Variants in NDUFAF2 observed in about 807,000 individuals in gnomAD.
The protein encoded by NDUFAF2 is NADH dehydrogenase [ubiquinone] 1 alpha subcomplex assembly factor 2.
Under a neutral mutation model 22.8 loss-of-function variants are expected in NDUFAF2, and 13 were observed. The ratio of observed to expected loss-of-function variants is 0.57; its 90% CI spans 0.37 to 0.91. The LOEUF is 0.91. Among genes scored for constraint, NDUFAF2 ranks in the 40% least tolerant of loss-of-function variants. The probability of loss-of-function intolerance (pLI) is 0.01; values close to 1 mark genes in which losing one functional copy is unlikely to be tolerated. For synonymous variants in NDUFAF2, 53 were observed against 64.2 expected, an observed-to-expected ratio of 0.83 and a Z score of 0.84; for missense variants, 162 against 195.2, an observed-to-expected ratio of 0.83 and a Z score of 1.01.
At chr5:61,046,103 T>C (rs1049701419) in intron 1 of NDUFAF2, among the ~76,000 whole-genome samples, 6 of 152,336 alleles carry the variant, frequency 3.9e-5, no homozygotes, top group Non-Finnish European at 1.5e-5. Context: ...TCTGTTAATA[T>C]GGAGTATCAC....
intron 1 of NDUFAF2, among the ~76,000 whole-genome samples, chr5:61,046,425 A>G (rs1458581813): frequency 6.6e-6 from 1 of 151,958 alleles, no homozygotes; most frequent in African/African-American, 2.4e-5. Context: ...TCAGGTCCTG[A>G]GCTTTTCTTT....
chr5:60,989,619 A>G (rs1751131604), intron 1 of NDUFAF2, among the ~76,000 whole-genome samples: 1 of 152,228 alleles, frequency 6.6e-6, no homozygotes, highest in Non-Finnish European at 1.5e-5. Flanking sequence ...ACTGAAGACC[A>G]TTATTCTTAG....
At chr5:61,093,239 C>A (rs1262416877) in intron 2 of NDUFAF2, among the ~76,000 whole-genome samples, 2 of 152,162 alleles carry the variant, frequency 1.3e-5, no homozygotes, top group Non-Finnish European at 2.9e-5. Context: ...CTCTCCCAGT[C>A]CACTGACTTA....
intron 1 of NDUFAF2, among the ~76,000 whole-genome samples, chr5:60,976,842 G>A (rs1326452633): frequency 6.6e-6 from 1 of 152,124 alleles, no homozygotes; most frequent in African/African-American, 2.4e-5. Context: ...TATTTAGGGA[G>A]GCAGATGGTA....
intron 3 of NDUFAF2, among the ~76,000 whole-genome samples, chr5:61,149,178 C>A (rs538436743): frequency 1.3e-5 from 2 of 152,218 alleles, no homozygotes; most frequent in East Asian, 3.9e-4. Context: ...GCCATGTTGG[C>A]CAGGCTGGTA....
chr5:60,957,752 G>A (rs1750636130), intron 1 of NDUFAF2, among the ~76,000 whole-genome samples: 1 of 152,168 alleles, frequency 6.6e-6, no homozygotes, highest in Admixed American at 6.5e-5. Flanking sequence ...GCCCCTGCTA[G>A]TGGGAATCTG....
intron 1 of NDUFAF2, among the ~76,000 whole-genome samples, chr5:61,036,134 A>G (rs977234050): frequency 6.6e-6 from 1 of 152,240 alleles, no homozygotes; most frequent in Non-Finnish European, 1.5e-5. Flanking sequence ...CAGGCCTGGA[A>G]GAAGCATACA....
intron 1 of NDUFAF2, among the ~76,000 whole-genome samples, chr5:61,068,024 A>C (rs193092262): frequency 5.3e-5 from 8 of 152,258 alleles, no homozygotes; most frequent in Non-Finnish European, 1.0e-4. Context: ...AATGAAATTT[A>C]TTTTAAATAC....
At position 61,073,139 on chromosome 5, in the gene NDUFAF2, G is replaced by A. The variant is rs1378667377; in HGVS notation, c.142G>A (p.Glu48Lys). The change falls in exon 2 of 4, where the codon GAG (glutamate) becomes AAG (lysine). Residue 48 changes from glutamate to lysine, a missense_variant. Around this residue, in one of 2 missense-constraint regions of NDUFAF2, gnomAD observed 94 missense variants for 85.2 expected, o/e 1.10. Transcript: ENST00000296597. ...YKNWRGQTIREKRIVEAANKK... is the reference protein window; with the variant it reads ...YKNWRGQTIRKKRIVEAANKK... The stretch of plus-strand genomic sequence containing the variant: ...TTGTCTTATAGGACAAACTATTCGA[G>A]AGAAAAGAATTGTAGAAGCAGCAAA... The A allele has an allele frequency of 1.2e-6, 2 of 1,610,730 alleles. No homozygotes were observed. The highest frequency in any genetic ancestry group is 1.7e-5 in the Admixed American group (1 of 60,006).
chr5:61,125,439 G>C (rs1397972813), intron 3 of NDUFAF2, among the ~76,000 whole-genome samples: 1 of 151,958 alleles, frequency 6.6e-6, no homozygotes, highest in Non-Finnish European at 1.5e-5. Context: ...GCATGTGTAA[G>C]GGGGAGTGTT....
At chr5:61,053,714 A>G (rs1172693084) in intron 1 of NDUFAF2, among the ~76,000 whole-genome samples, 1 of 152,200 alleles carries the variant, frequency 6.6e-6, no homozygotes, top group African/African-American at 2.4e-5. Flanking sequence ...GTAGGATCAT[A>G]TGGAATGGAG....
intron 1 of NDUFAF2, among the ~76,000 whole-genome samples, chr5:60,978,013 G>A (rs930079601): frequency 3.3e-5 from 5 of 152,148 alleles, no homozygotes; most frequent in African/African-American, 1.2e-4. Context: ...ACTGAAGAGA[G>A]TAGGAAAGAC....
chr5:61,142,024 G>A (rs1245046647), intron 3 of NDUFAF2, among the ~76,000 whole-genome samples: 4 of 152,098 alleles, frequency 2.6e-5, no homozygotes, highest in African/African-American at 9.7e-5. Flanking sequence ...GGCCAAGCCT[G>A]GAAAGCCATG....
chr5:61,147,836 A>G (rs1741165377), intron 3 of NDUFAF2, among the ~76,000 whole-genome samples: 1 of 152,094 alleles, frequency 6.6e-6, no homozygotes, highest in African/African-American at 2.4e-5. Context: ...GTTTAGTCCT[A>G]CACCTAAGGA....
At chr5:60,945,578 G>T in intron 1 of NDUFAF2, 196 bp downstream of exon 1, 1 of 836,492 alleles carries the variant, frequency 1.2e-6, no homozygotes, top group Non-Finnish European at 1.9e-6. Context: ...GGCTCTGGGC[G>T]CCTTGGCCCG....
intron 3 of NDUFAF2, among the ~76,000 whole-genome samples, chr5:61,106,914 T>G (rs1213198253): frequency 6.6e-6 from 1 of 151,288 alleles, no homozygotes; most frequent in African/African-American, 2.5e-5. Flanking sequence ...ATATCACATT[T>G]TCTTTATCAG....
In NDUFAF2 at chr5:61,045,263, T is replaced by A. The variant is rs1019108586; in HGVS notation, c.128-27862T>A. On this transcript the variant is annotated intron_variant, in intron 1 of 3. Coordinates refer to ENST00000296597, the MANE Select transcript of NDUFAF2 (RefSeq NM_174889.5). ...TAAAATAAAATAAAGTTTTATTAAA[T>A]TTTAATAAAATAAAATAAAATTTTA... 3.0e-4 allele frequency among the ~76,000 whole-genome samples: 42 copies of A among 140,934 alleles called. 4 individuals are homozygous for A. The highest frequency in any genetic ancestry group is 1.1e-3 in the African/African-American group (41 of 36,954). The allele number at this position is 140,934 out of a possible 152,430, so 92.5% of individuals were successfully genotyped here.
chr5:60,969,183 G>A (rs183285075), intron 1 of NDUFAF2, among the ~76,000 whole-genome samples: 1 of 152,142 alleles, frequency 6.6e-6, no homozygotes, highest in Admixed American at 6.5e-5. Context: ...TGGGAGTGGA[G>A]ATATCTCTTT....
chr5:61,001,673 A>G (rs162243), intron 1 of NDUFAF2, among the ~76,000 whole-genome samples: 134,914 of 152,064 alleles, frequency 0.89, 60,000 homozygotes, highest in East Asian at 0.94. Flanking sequence ...ATAAAAAGTC[A>G]GAATTTTTAT....
Sources: allele counts gnomAD v4.1 joint callset (sites outside exome capture counted in the v4.1 genomes callset), GRCh38; gene constraint gnomAD v4.1.1; regional missense constraint gnomAD v4.1.1; transcripts MANE v1.5; gene names NCBI Gene and HGNC (gene_info 2026-07-23, HGNC 2026-07-21).